The following TESK2 variants were observed in gnomAD, a reference collection of about 807,000 sequenced individuals.
TESK2 encodes dual specificity testis-specific protein kinase 2.
A neutral mutation model predicts 57.1 loss-of-function variants in TESK2; 39 were observed. The ratio of observed to expected loss-of-function variants is 0.68; its 90% confidence interval spans 0.53 to 0.89. TESK2 has a LOEUF of 0.89. Ranked by LOEUF, TESK2 falls within the 40% of genes least tolerant of loss-of-function variation. The probability of loss-of-function intolerance (pLI) is 0.00; values close to 1 mark genes in which losing one functional copy is unlikely to be tolerated. For missense variants in TESK2, 646 were observed against 732.1 expected (o/e 0.88, Z 1.36); for synonymous variants, 249 against 267.9 (o/e 0.93, Z 0.69).
At chr1:45,489,753 G>A (rs1346142215) in intron 1 of TESK2, among the ~76,000 whole-genome samples, 1 of 152,208 alleles carries the variant, frequency 6.6e-6, no homozygotes, top group Non-Finnish European at 1.5e-5. Context: ...TCGTGCCACT[G>A]CACTCCAGCC....
intron 2 of TESK2, among the ~76,000 whole-genome samples, chr1:45,429,868 C>G (rs74838497): frequency 8.1e-4 from 124 of 152,252 alleles, no homozygotes; most frequent in African/African-American, 2.9e-3. Flanking sequence ...TGTTTGATAT[C>G]CCTGCCTTTG....
At chr1:45,449,749 A>G (rs1651796516) in intron 2 of TESK2, among the ~76,000 whole-genome samples, 1 of 152,234 alleles carries the variant, frequency 6.6e-6, no homozygotes, top group African/African-American at 2.4e-5. Context: ...AGTGTTAGAA[A>G]TGATGAAATG....
rs754777851 is a variant in TESK2, at chr1:45,346,661, C to G, written c.879+32G>C. ...CAGGTGAAAAGGGTTCAGCCAGCCC[C>G]TGATGAAAGGCAGAGGGAGAAAGAC... is the stretch of plus-strand genomic sequence containing the variant. On this transcript the variant is annotated intron_variant, in intron 9 of 10. Transcript: ENST00000372086. 2.5e-6 allele frequency: 4 copies of G among 1,590,134 alleles called. No individual in the cohort carries two copies. The Admixed American group carries it at 6.8e-5, about 27-fold the overall frequency.
intron 1 of TESK2, among the ~76,000 whole-genome samples, chr1:45,489,814 C>A (rs192296456): frequency 3.8e-4 from 58 of 152,214 alleles, no homozygotes; most frequent in African/African-American, 1.4e-3. Flanking sequence ...AACAAACAAA[C>A]CCTGAAACTT....
chr1:45,386,907 C>T (rs1648925374), intron 3 of TESK2, among the ~76,000 whole-genome samples: 1 of 152,208 alleles, frequency 6.6e-6, no homozygotes, highest in Admixed American at 6.5e-5. Flanking sequence ...CCGCCTCGGC[C>T]TCCCAAAGTG....
rs1230439690 is a variant in TESK2 at position 45,449,006 on chromosome 1, C to A, written c.222+8558G>T. ...GTGGAAGGCTGAGGCAGGTGGATCA[C>A]AAGGTCAGGAGTTCAAGACCAGCCT... is the stretch of plus-strand genomic sequence containing the variant. On this transcript the variant is annotated intron_variant, in intron 2 of 10. Coordinates refer to ENST00000372086, the MANE Select transcript of TESK2 (RefSeq NM_007170.3). Among the ~76,000 whole-genome samples the A allele has an allele frequency of 2.6e-5, 4 of 152,038 alleles. No individual in the cohort carries two copies. The East Asian group carries it at 5.8e-4, about 22-fold the overall frequency.
At chr1:45,414,144 G>A (rs1245593122) in intron 3 of TESK2, among the ~76,000 whole-genome samples, 1 of 152,100 alleles carries the variant, frequency 6.6e-6, no homozygotes, top group Non-Finnish European at 1.5e-5. Context: ...GTTTGCTCTA[G>A]GCCACTGGTT....
chr1:45,348,131 C>G (rs1647172629), intron 5 of TESK2, 131 bp from the exon 6 acceptor site: 1 of 679,826 alleles, frequency 1.5e-6, no homozygotes, highest in African/African-American at 1.7e-5. Context: ...CGCACTCAAG[C>G]TGACCCCACT....
intron 2 of TESK2, among the ~76,000 whole-genome samples, chr1:45,426,835 G>T (rs1650714497): frequency 6.6e-6 from 1 of 152,090 alleles, no homozygotes; most frequent in South Asian, 2.1e-4. Flanking sequence ...CAGCAAACAG[G>T]TATATGTAAA....
chr1:45,457,732 A>G lies in TESK2; in HGVS notation c.54T>C (p.Arg18=). The change falls in exon 2 of 11, where the codon CGT becomes CGC. Residue 18 remains arginine (R), a synonymous_variant. Coordinates refer to ENST00000372086, the MANE Select transcript of TESK2 (RefSeq NM_007170.3). ...SIAGFPPRVE[R]LEEFEGGGGG... The stretch of plus-strand genomic sequence containing the variant: ...CACCACCTCCTTCAAACTCTTCAAG[A>G]CGCTCCACACGTGGAGGAAATCCTG... 1 of 1,614,140 alleles carries G rather than the reference A, an allele frequency of 6.2e-7. No homozygotes were observed. Among genetic ancestry groups the G allele is most frequent in the Non-Finnish European group, 8.5e-7 (1 of 1,180,014 alleles).
chr1:45,485,330 T>C (rs1653420541), intron 1 of TESK2, among the ~76,000 whole-genome samples: 1 of 150,222 alleles, frequency 6.7e-6, no homozygotes, highest in Non-Finnish European at 1.5e-5. Flanking sequence ...TGGGACGACA[T>C]ACATGTGCCA....
chr1:45,396,020 G>T (rs970989151), intron 3 of TESK2, among the ~76,000 whole-genome samples: 8 of 152,176 alleles, frequency 5.3e-5, no homozygotes, highest in African/African-American at 1.7e-4. Flanking sequence ...TGTCAACTAC[G>T]CTGGAGAGCA....
At chr1:45,471,375 T>G (rs1338563278) in intron 1 of TESK2, among the ~76,000 whole-genome samples, 1 of 152,114 alleles carries the variant, frequency 6.6e-6, no homozygotes, top group Non-Finnish European at 1.5e-5. Context: ...TCCTGAAAGA[T>G]ACATGTAAAT....
At chr1:45,429,737 A>G (rs1650872681) in intron 2 of TESK2, among the ~76,000 whole-genome samples, 2 of 152,172 alleles carry the variant, frequency 1.3e-5, no homozygotes, top group African/African-American at 4.8e-5. Context: ...ATAACAGCCA[A>G]TCACCCAAAC....
intron 3 of TESK2, among the ~76,000 whole-genome samples, chr1:45,401,348 G>C (rs1048333759): frequency 2.0e-5 from 3 of 150,946 alleles, no homozygotes; most frequent in African/African-American, 7.3e-5. Flanking sequence ...AGTGAGCCGA[G>C]ATCTCACCAT....
chr1:45,406,482 C>G (rs1286884604), intron 3 of TESK2, among the ~76,000 whole-genome samples: 1 of 151,872 alleles, frequency 6.6e-6, no homozygotes, highest in Non-Finnish European at 1.5e-5. Flanking sequence ...CTTGTCTCTA[C>G]AAAAATAAGA....
chr1:45,358,312 CAAA>C (rs370201136), intron 4 of TESK2, among the ~76,000 whole-genome samples: 1 of 128,282 alleles, frequency 7.8e-6, no homozygotes, highest in Non-Finnish European at 1.7e-5. Context: ...GACTCCATCT[CAAA>C]AAAAAAAAAA....
At chr1:45,424,978 C>G (rs1049176895) in intron 2 of TESK2, among the ~76,000 whole-genome samples, 2 of 152,104 alleles carry the variant, frequency 1.3e-5, no homozygotes, top group Non-Finnish European at 2.9e-5. Flanking sequence ...AAACTGAAAG[C>G]CTTTCCTCTG....
At chr1:45,354,805 AAAAAAAAAAAATATATATATATATAT>A (rs1297712845) in intron 5 of TESK2, among the ~76,000 whole-genome samples, 2 of 67,450 alleles carry the variant, frequency 3.0e-5, no homozygotes, top group African/African-American at 1.4e-4. Flanking sequence ...AAAAAAAAAA[AAAAAAAAAAAATATATATATATATAT>A]ATATATATAT....
Sources: allele counts gnomAD v4.1 joint callset (sites outside exome capture counted in the v4.1 genomes callset), GRCh38; gene constraint gnomAD v4.1.1; transcripts MANE v1.5; gene names NCBI Gene and HGNC (gene_info 2026-07-23, HGNC 2026-07-21).